Variants in VRK1 observed in about 807,000 individuals in gnomAD.
The protein encoded by VRK1 is serine/threonine-protein kinase VRK1.
VRK1 carries 33 observed loss-of-function variants against 57.1 expected under a neutral mutation model. The ratio of observed to expected loss-of-function variants is 0.58; its 90% CI spans 0.44 to 0.77. The LOEUF is 0.77. Among genes scored for constraint, VRK1 ranks in the 30% least tolerant of loss-of-function variants. The pLI is 0.00. For missense variants in VRK1, 413 were observed against 477.3 expected, an observed-to-expected ratio of 0.87 and a Z score of 1.25; for synonymous variants, 137 against 147.8, an observed-to-expected ratio of 0.93 and a Z score of 0.53.
intron 10 of VRK1, among the ~76,000 whole-genome samples, chr14:96,859,733 T>G (rs768252984): frequency 9.9e-5 from 15 of 152,162 alleles, no homozygotes; most frequent in Admixed American, 2.0e-4. Context: ...CAAGGGTGAC[T>G]AACTCAGATT....
intron 11 of VRK1, among the ~76,000 whole-genome samples, chr14:96,868,477 C>G (rs916352466): frequency 2.0e-5 from 3 of 152,118 alleles, no homozygotes; most frequent in Non-Finnish European, 4.4e-5. Context: ...GAAAACAGCC[C>G]TTTTGTAAAT....
intron 12 of VRK1, among the ~76,000 whole-genome samples, chr14:96,878,932 T>C (rs1050107764): frequency 1.3e-5 from 2 of 152,236 alleles, no homozygotes; most frequent in East Asian, 1.9e-4. Context: ...TGGTGTACTT[T>C]CCCCCCTCCT....
chr14:96,833,608 G>C lies in VRK1; in HGVS notation c.137G>C (p.Gly46Ala). ...AAAGTAGGATTACCCATTGGCCAAGGAGGCTTTGGCTGTATATATCTTGGT... is the reference window on the plus strand; with the variant it reads ...AAAGTAGGATTACCCATTGGCCAAGCAGGCTTTGGCTGTATATATCTTGGT... ...EWKVGLPIGQ[G>A]GFGCIYLADM... is the part of the protein sequence containing the mutation. Residue 46 changes from glycine (G) to alanine (A), a missense_variant, in exon 2 of 13, where the codon GGA becomes GCA. Coordinates refer to ENST00000216639, the MANE Select transcript of VRK1 (RefSeq NM_003384.3). The C allele has an allele frequency of 6.2e-7, 1 of 1,613,720 alleles. No homozygotes were observed. Among genetic ancestry groups the C allele is most frequent in the Non-Finnish European group, 8.5e-7 (1 of 1,179,686 alleles).
chr14:96,857,332 C>T (rs899085183), intron 10 of VRK1, among the ~76,000 whole-genome samples: 1 of 151,916 alleles, frequency 6.6e-6, no homozygotes, highest in Admixed American at 6.6e-5. Flanking sequence ...CCAGGGACAG[C>T]CTCACTTGGA....
At position 96,852,918 on chromosome 14, in the gene VRK1, C is replaced by T. The variant is rs757654085; in HGVS notation, c.462C>T (p.Val154=). ...ANAKRFSRKT[V]LQLSLRILDI... ...CCAAAAGGTTTTCTCGGAAAACTGT[C>T]TTGCAGCTAAGCTTAAGAATTGTAT... The change falls in exon 6 of 13, where the codon GTC becomes GTT. Residue 154 remains valine, a synonymous_variant. Transcript: ENST00000216639. 1.1e-5 allele frequency: 17 copies of T among 1,613,632 alleles called. No individual in the cohort carries two copies. Among genetic ancestry groups the T allele is most frequent in the African/African-American group, 1.3e-5 (1 of 74,898 alleles).
chr14:96,854,004 T>C (rs1888051561), intron 7 of VRK1, among the ~76,000 whole-genome samples: 1 of 152,160 alleles, frequency 6.6e-6, no homozygotes, highest in African/African-American at 2.4e-5. Flanking sequence ...CCTTTGGCTC[T>C]CTTTTCTTTT....
intron 8 of VRK1, 99 bp from the exon 9 acceptor site, chr14:96,856,030 TG>T: frequency 7.2e-7 from 1 of 1,380,538 alleles, no homozygotes; most frequent in Non-Finnish European, 1.0e-6. Flanking sequence ...AAAAACAGAC[TG>T]TGGAGTTGAC....
chr14:96,804,528 G>A (rs902533306), intron 1 of VRK1, among the ~76,000 whole-genome samples: 2 of 152,170 alleles, frequency 1.3e-5, no homozygotes, highest in Non-Finnish European at 2.9e-5. Context: ...CAAGTGAAGG[G>A]AAGTAGAGAA....
chr14:96,827,793 A>G (rs1242005002), intron 1 of VRK1, among the ~76,000 whole-genome samples: 1 of 152,174 alleles, frequency 6.6e-6, no homozygotes, highest in East Asian at 1.9e-4. Flanking sequence ...TCCTGAATGG[A>G]CACTGACTGT....
chr14:96,856,370 G>C, intron 9 of VRK1, 120 bp downstream of exon 9: 1 of 1,404,820 alleles, frequency 7.1e-7, no homozygotes, highest in Non-Finnish European at 9.8e-7. Context: ...GAAAGTACTT[G>C]TTAAACAGTA....
chr14:96,856,304 T>C (rs1313516654), intron 9 of VRK1, 54 bp downstream of exon 9: 42 of 1,594,706 alleles, frequency 2.6e-5, no homozygotes, highest in Non-Finnish European at 3.4e-5. Flanking sequence ...CAAATGTTTT[T>C]AGTCACAATT....
intron 12 of VRK1, chr14:96,877,770 C>A: frequency 1.3e-6 from 1 of 756,456 alleles, no homozygotes; most frequent in African/African-American, 1.9e-5. Context: ...ACTGCCTGGA[C>A]ATCATTTGTT....
In VRK1 at chr14:96,812,179, A is replaced by G. The variant is rs1038932493; in HGVS notation, c.-6+14732A>G. On this transcript the variant is annotated intron_variant, in intron 1 of 12. Transcript: ENST00000216639. ...TGTACCAAATTTGATTTATCCATTC[A>G]TCAGTTGAAGGACTTTGGGGTTGCT... 2.0e-5 allele frequency among the ~76,000 whole-genome samples: 3 copies of G among 152,224 alleles called. No individual in the cohort carries two copies. The East Asian group carries it at 5.8e-4, about 29-fold the overall frequency.
chr14:96,865,220 C>T (rs1888538467), intron 11 of VRK1, among the ~76,000 whole-genome samples: 1 of 152,096 alleles, frequency 6.6e-6, no homozygotes, highest in Admixed American at 6.5e-5. Flanking sequence ...TACAGTTTAA[C>T]AGAAATTGAT....
intron 2 of VRK1, among the ~76,000 whole-genome samples, chr14:96,836,447 C>G (rs1887215306): frequency 6.6e-6 from 1 of 151,866 alleles, no homozygotes; most frequent in South Asian, 2.1e-4. Flanking sequence ...CCTCTTCTGC[C>G]TCACTGTTTC....
At chr14:96,812,237 A>G (rs1886233637) in intron 1 of VRK1, among the ~76,000 whole-genome samples, 1 of 152,214 alleles carries the variant, frequency 6.6e-6, no homozygotes, top group African/African-American at 2.4e-5. Context: ...TAGTGCTGCT[A>G]TGGACATTTA....
intron 12 of VRK1, 34 bp from the exon 13 acceptor site, chr14:96,881,143 C>T: frequency 6.4e-7 from 1 of 1,572,404 alleles, no homozygotes; most frequent in South Asian, 1.1e-5. Flanking sequence ...AAATTATTGA[C>T]TAGTGATTTC....
At chr14:96,862,316 G>A (rs1407895820) in intron 11 of VRK1, among the ~76,000 whole-genome samples, 1 of 151,718 alleles carries the variant, frequency 6.6e-6, no homozygotes, top group African/African-American at 2.4e-5. Context: ...TTCATTTAGG[G>A]GAAAAAAATG....
intron 11 of VRK1, among the ~76,000 whole-genome samples, chr14:96,862,874 A>G (rs1888445696): frequency 6.6e-6 from 1 of 152,172 alleles, no homozygotes; most frequent in Non-Finnish European, 1.5e-5. Flanking sequence ...AGTGTGAAGT[A>G]TATTTTCTGT....
Sources: allele counts gnomAD v4.1 joint callset (sites outside exome capture counted in the v4.1 genomes callset), GRCh38; gene constraint gnomAD v4.1.1; transcripts MANE v1.5; gene names NCBI Gene and HGNC (gene_info 2026-07-23, HGNC 2026-07-21).